ASTN2: variants seen among roughly 807,000 people sequenced by gnomAD.
ASTN2 encodes the protein astrotactin-2.
A neutral mutation model predicts 139.8 loss-of-function variants in ASTN2; 54 were observed. That is an observed-to-expected ratio of 0.39 (90% CI 0.31 to 0.48). The LOEUF (loss-of-function observed/expected upper bound fraction) is 0.48, where lower values mean the gene tolerates loss of function less well. Ranked by LOEUF, ASTN2 falls within the 20% of genes least tolerant of loss-of-function variation. ASTN2 has a pLI of 0.95. For synonymous variants in ASTN2, 756 were observed against 719.5 expected (o/e 1.05, Z -0.81); for missense variants, 1,565 against 1,725.1 (o/e 0.91, Z 1.64).
At chr9:116,587,390 T>A (rs1378259108) in intron 19 of ASTN2, among the ~76,000 whole-genome samples, 4 of 146,868 alleles carry the variant, frequency 2.7e-5, no homozygotes, top group Non-Finnish European at 6.0e-5. Flanking sequence ...GAAGATCAGA[T>A]CTCAGGCAAT....
At chr9:117,349,240 T>C (rs1449276028) in intron 1 of ASTN2, among the ~76,000 whole-genome samples, 2 of 152,156 alleles carry the variant, frequency 1.3e-5, no homozygotes, top group African/African-American at 4.8e-5. Context: ...ATCACCAAGG[T>C]CATAGCAGGG....
chr9:116,862,754 C>T (rs986635395), intron 11 of ASTN2, among the ~76,000 whole-genome samples: 5 of 151,464 alleles, frequency 3.3e-5, no homozygotes, highest in Non-Finnish European at 7.4e-5. Flanking sequence ...TGAGTTTAGC[C>T]TATGTGGCAA....
At chr9:117,145,492 C>T (rs1564448466) in intron 3 of ASTN2, among the ~76,000 whole-genome samples, 2 of 152,158 alleles carry the variant, frequency 1.3e-5, no homozygotes, top group Non-Finnish European at 2.9e-5. Flanking sequence ...GTATTTCTTT[C>T]CTTGTTCCTT....
intron 10 of ASTN2, among the ~76,000 whole-genome samples, chr9:116,864,106 C>A (rs1357470851): frequency 3.3e-5 from 5 of 152,152 alleles, no homozygotes; most frequent in African/African-American, 1.2e-4. Flanking sequence ...CCAGCTGAGT[C>A]CAAAGAGAAG....
intron 2 of ASTN2, among the ~76,000 whole-genome samples, chr9:117,227,584 T>C (rs1832755385): frequency 6.6e-6 from 1 of 152,180 alleles, no homozygotes; most frequent in Non-Finnish European, 1.5e-5. Flanking sequence ...TAACTAGATA[T>C]GAATTATTTA....
chr9:116,810,460 T>C (rs566811749), intron 12 of ASTN2, among the ~76,000 whole-genome samples: 30 of 152,294 alleles, frequency 2.0e-4, no homozygotes, highest in African/African-American at 6.7e-4. Flanking sequence ...AAGAAGATCA[T>C]GTGTGCCTTT....
intron 13 of ASTN2, among the ~76,000 whole-genome samples, chr9:116,772,875 A>G (rs1231403035): frequency 6.6e-6 from 1 of 152,156 alleles, no homozygotes; most frequent in African/African-American, 2.4e-5. Flanking sequence ...CTAGCACTTG[A>G]TTCTCATGTC....
At chr9:117,060,346 GAAAGAA>G (rs1402371666) in intron 5 of ASTN2, among the ~76,000 whole-genome samples, 2 of 47,212 alleles carry the variant, frequency 4.2e-5, no homozygotes, top group Admixed American at 3.0e-4. Flanking sequence ...AAGAAAGAGA[GAAAGAA>G]AGAAAGAAAG....
chr9:116,646,836 C>G (rs1034144136), intron 17 of ASTN2, among the ~76,000 whole-genome samples: 2 of 152,156 alleles, frequency 1.3e-5, no homozygotes, highest in East Asian at 3.9e-4. Flanking sequence ...TCCTGGCTTC[C>G]CCATTGCCCT....
chr9:117,168,555 T>G (rs1830720239), intron 3 of ASTN2, among the ~76,000 whole-genome samples: 1 of 152,100 alleles, frequency 6.6e-6, no homozygotes, highest in South Asian at 2.1e-4. Context: ...GAGCCTTTAT[T>G]TTTTTAGAAA....
At chr9:116,587,674 ACTT>A (rs1198010755) in intron 19 of ASTN2, among the ~76,000 whole-genome samples, 1 of 152,140 alleles carries the variant, frequency 6.6e-6, no homozygotes, top group East Asian at 1.9e-4. Flanking sequence ...TCCCAACTGC[ACTT>A]CTTACTAGTT....
intron 3 of ASTN2, among the ~76,000 whole-genome samples, chr9:117,202,203 TC>T (rs1157606777): frequency 6.6e-6 from 1 of 152,172 alleles, no homozygotes; most frequent in African/African-American, 2.4e-5. Context: ...TAAATCTTCC[TC>T]CATCCCTTTA....
At chr9:116,597,949 C>A (rs1366862126) in intron 19 of ASTN2, among the ~76,000 whole-genome samples, 1 of 152,138 alleles carries the variant, frequency 6.6e-6, no homozygotes, top group African/African-American at 2.4e-5. Flanking sequence ...ACAAACCTGG[C>A]AATTATAGAT....
At chr9:116,586,295 A>G (rs1018320199) in intron 19 of ASTN2, 1 of 152,244 alleles carries the variant, frequency 6.6e-6, no homozygotes, top group Non-Finnish European at 1.5e-5. Flanking sequence ...TACTGGGTAT[A>G]TATCCAAAAG....
intron 3 of ASTN2, among the ~76,000 whole-genome samples, chr9:117,171,619 G>C (rs562262647): frequency 6.6e-6 from 1 of 152,042 alleles, no homozygotes; most frequent in Non-Finnish European, 1.5e-5. Context: ...TGCTGTTCTC[G>C]TGATAGTGAG....
chr9:117,037,787 A>C (rs562633129), intron 6 of ASTN2, among the ~76,000 whole-genome samples: 1 of 152,292 alleles, frequency 6.6e-6, no homozygotes, highest in African/African-American at 2.4e-5. Flanking sequence ...CTCAGTGTTC[A>C]TCACTCCTAC....
At chr9:117,160,701 G>A (rs1249381080) in intron 3 of ASTN2, among the ~76,000 whole-genome samples, 1 of 151,908 alleles carries the variant, frequency 6.6e-6, no homozygotes, top group Non-Finnish European at 1.5e-5. Context: ...GAATGTAGTA[G>A]GCACTCAGTA....
At chr9:117,366,176 G>T (rs892369928) in intron 1 of ASTN2, among the ~76,000 whole-genome samples, 1 of 152,168 alleles carries the variant, frequency 6.6e-6, no homozygotes, top group East Asian at 1.9e-4. Context: ...TTCCAAAACC[G>T]ATGACTTTCA....
intron 2 of ASTN2, among the ~76,000 whole-genome samples, chr9:117,274,959 C>G (rs1053775240): frequency 6.6e-6 from 1 of 152,208 alleles, no homozygotes; most frequent in African/African-American, 2.4e-5. Flanking sequence ...AGCATGGGCT[C>G]AAGGCTGAAT....
Sources: allele counts gnomAD v4.1 joint callset (sites outside exome capture counted in the v4.1 genomes callset), GRCh38; gene constraint gnomAD v4.1.1; transcripts MANE v1.5; gene names NCBI Gene and HGNC (gene_info 2026-07-23, HGNC 2026-07-21).